TRDN: variants seen among roughly 807,000 people sequenced by gnomAD.
The protein encoded by TRDN is triadin, also known as triadin in skeletal muscle.
A neutral mutation model predicts 149.7 loss-of-function variants in TRDN; 161 were observed. That is an observed-to-expected ratio of 1.08 (90% CI 0.95 to 1.23). The LOEUF is 1.23. Ranked by LOEUF, TRDN falls within the 50% of genes most tolerant of loss-of-function variation. The pLI, the probability that TRDN is intolerant of heterozygous loss-of-function variation, is 0.00. For missense variants in TRDN, 896 were observed against 823.5 expected, an observed-to-expected ratio of 1.09 and a Z score of -1.08; for synonymous variants, 294 against 250.5, an observed-to-expected ratio of 1.17 and a Z score of -1.64.
chr6:123,457,076 A>G (rs980648497), intron 10 of TRDN, among the ~76,000 whole-genome samples: 2 of 152,224 alleles, frequency 1.3e-5, no homozygotes, highest in African/African-American at 4.8e-5. Flanking sequence ...AAGAGATTAG[A>G]TCAAATTCGC....
chr6:123,473,056 C>A (rs1454865305), intron 9 of TRDN, among the ~76,000 whole-genome samples: 1 of 152,230 alleles, frequency 6.6e-6, no homozygotes, highest in Admixed American at 6.5e-5. Flanking sequence ...TCCAAAGGAA[C>A]GCAGTTCCTC....
At chr6:123,570,725 A>G (rs112461830) in intron 2 of TRDN, among the ~76,000 whole-genome samples, 198 bp downstream of exon 2, 10 of 152,304 alleles carry the variant, frequency 6.6e-5, no homozygotes, top group East Asian at 1.9e-4. Flanking sequence ...TTGGAAATCA[A>G]TAAGTACCAC....
chr6:123,576,066 G>A (rs1373039157), intron 1 of TRDN, among the ~76,000 whole-genome samples: 1 of 151,974 alleles, frequency 6.6e-6, no homozygotes, highest in Non-Finnish European at 1.5e-5. Flanking sequence ...TAGAGCAAAT[G>A]AGAGAAAGGA....
chr6:123,328,857 T>A (rs940725528), intron 23 of TRDN, among the ~76,000 whole-genome samples: 16 of 152,314 alleles, frequency 1.1e-4, no homozygotes, highest in Middle Eastern at 3.4e-3. Flanking sequence ...CCTTATGTGA[T>A]CCTGGTCAGC....
rs554687435 is a variant in TRDN at position 123,318,888 on chromosome 6, T to G, written c.1472-2393A>C. On this transcript the variant is annotated intron_variant, in intron 23 of 40. Transcript: ENST00000334268. ...AGCACTCCTATGAAAAGGTATTATC[T>G]AACGTGTGGCTGTGGGCCCTCTTAC... Among the ~76,000 whole-genome samples, 122 of 152,206 alleles carry G rather than the reference T, an allele frequency of 8.0e-4. 1 individual carries two copies. Among genetic ancestry groups the G allele is most frequent in the Non-Finnish European group, 1.4e-3 (95 of 67,998 alleles).
Position 123,530,522 on chromosome 6 carries a change from C to G in TRDN, c.468G>C (p.Arg156Ser), listed in dbSNP as rs867167353. The G allele has an allele frequency of 8.0e-7, 1 of 1,248,550 alleles. No individual in the cohort carries two copies. Among genetic ancestry groups the G allele is most frequent in the Non-Finnish European group, 1.1e-6 (1 of 933,764 alleles). 77.3% of individuals were successfully genotyped at this position (1,248,550 alleles called of 1,614,324 possible). ...DKTEKQEKPERKIQTKVTHKE... is the reference protein window; with the variant it reads ...DKTEKQEKPESKIQTKVTHKE... ...AATGTTTACCTTTAGTTTGTATTTT[C>G]CTTTCAGGTTTCTCTTGTTTTTCAG... The change falls in exon 5 of 41, where the codon AGG (arginine) becomes AGC (serine). Residue 156 changes from arginine (R) to serine (S), a missense_variant. Transcript: ENST00000334268.
chr6:123,357,223 C>T (rs1007541187), intron 20 of TRDN, among the ~76,000 whole-genome samples: 8 of 151,888 alleles, frequency 5.3e-5, no homozygotes, highest in Admixed American at 5.2e-4. Flanking sequence ...TTGTTCCTAA[C>T]ATAGTAATTA....
intron 35 of TRDN, among the ~76,000 whole-genome samples, chr6:123,257,350 T>G (rs1298866288): frequency 6.6e-6 from 1 of 152,216 alleles, no homozygotes; most frequent in East Asian, 1.9e-4. Context: ...TTCTGTTTTC[T>G]GCATATGGCA....
chr6:123,236,720 C>T (rs1019012680), intron 38 of TRDN, among the ~76,000 whole-genome samples: 3 of 152,058 alleles, frequency 2.0e-5, no homozygotes, highest in East Asian at 1.9e-4. Context: ...TAAATTGCTT[C>T]GGAACTTTTA....
chr6:123,237,598 A>C (rs976622267), intron 38 of TRDN, among the ~76,000 whole-genome samples: 16 of 152,162 alleles, frequency 1.1e-4, no homozygotes, highest in African/African-American at 3.4e-4. Context: ...TTGTGTTTAT[A>C]CAGGTTTTAG....
intron 13 of TRDN, among the ~76,000 whole-genome samples, chr6:123,392,009 G>C (rs1772497049): frequency 1.3e-5 from 2 of 152,120 alleles, no homozygotes; most frequent in South Asian, 4.1e-4. Context: ...GTTCTGCTTT[G>C]ATGTGTCCCT....
chr6:123,221,079 TGA>T (rs1775130079), intron 40 of TRDN, among the ~76,000 whole-genome samples: 1 of 151,770 alleles, frequency 6.6e-6, no homozygotes, highest in African/African-American at 2.4e-5. Context: ...ATCTTAGAAG[TGA>T]GTTTCCAAGC....
chr6:123,596,622 G>A (rs77803905), intron 1 of TRDN, among the ~76,000 whole-genome samples: 1 of 152,088 alleles, frequency 6.6e-6, no homozygotes, highest in East Asian at 1.9e-4. Context: ...AGCTAATGCA[G>A]CTGGTGACTT....
At chr6:123,455,030 T>G (rs1011696273) in intron 10 of TRDN, among the ~76,000 whole-genome samples, 11 of 152,194 alleles carry the variant, frequency 7.2e-5, no homozygotes, top group Non-Finnish European at 1.5e-4. Flanking sequence ...TGAAAAACTT[T>G]CAAGCTGATT....
chr6:123,305,788 C>T (rs1236085774), intron 24 of TRDN, among the ~76,000 whole-genome samples: 2 of 152,218 alleles, frequency 1.3e-5, no homozygotes, highest in African/African-American at 2.4e-5. Flanking sequence ...CATATCTTGA[C>T]CTAAGAAATC....
chr6:123,599,131 TATTA>T (rs1469407516), intron 1 of TRDN, among the ~76,000 whole-genome samples: 5 of 152,092 alleles, frequency 3.3e-5, no homozygotes, highest in African/African-American at 1.2e-4. Context: ...ACTCCCTAAC[TATTA>T]ATTGATAACA....
intron 4 of TRDN, among the ~76,000 whole-genome samples, chr6:123,540,755 T>C (rs975280885): frequency 1.3e-5 from 2 of 152,130 alleles, no homozygotes. Context: ...CCTGACCTCG[T>C]GATCTGCCCG....
At chr6:123,608,783 T>A (rs1045646932) in intron 1 of TRDN, among the ~76,000 whole-genome samples, 1 of 152,082 alleles carries the variant, frequency 6.6e-6, no homozygotes, top group Non-Finnish European at 1.5e-5. Flanking sequence ...ATGCTTAAAA[T>A]CATATGTCTT....
intron 24 of TRDN, among the ~76,000 whole-genome samples, chr6:123,315,985 TG>T (rs1230807625): frequency 1.3e-5 from 2 of 151,930 alleles, no homozygotes; most frequent in African/African-American, 4.8e-5. Context: ...GAAAGAAAAG[TG>T]TTTAATCTGT....
Sources: allele counts gnomAD v4.1 joint callset (sites outside exome capture counted in the v4.1 genomes callset), GRCh38; gene constraint gnomAD v4.1.1; transcripts MANE v1.5; gene names NCBI Gene and HGNC (gene_info 2026-07-23, HGNC 2026-07-21).